DIAPH2: variants seen among roughly 807,000 people sequenced by gnomAD.
DIAPH2 encodes the protein protein diaphanous homolog 2.
A neutral mutation model predicts 92.7 loss-of-function variants in DIAPH2; 35 were observed. The observed-to-expected ratio is 0.38, with a 90% CI of 0.29 to 0.50. The LOEUF is 0.50. Among genes scored for constraint, DIAPH2 ranks in the 20% least tolerant of loss-of-function variants. The pLI, the probability that DIAPH2 is intolerant of heterozygous loss-of-function variation, is 0.94. For synonymous variants in DIAPH2, 301 were observed against 280.4 expected (o/e 1.07, Z -0.73); for missense variants, 701 against 819.5 (o/e 0.86, Z 1.77).
intron 23 of DIAPH2, among the ~76,000 whole-genome samples, chrX:97,299,621 A>G (rs1187328121): frequency 8.9e-6 from 1 of 112,347 alleles, no homozygotes; most frequent in East Asian, 2.8e-4. Flanking sequence ...GACATCTGAT[A>G]TAAAGTTATT....
At chrX:97,090,299 T>C (rs912805925) in intron 19 of DIAPH2, among the ~76,000 whole-genome samples, 2 of 12,269 alleles carry the variant, frequency 1.6e-4, no homozygotes, top group Non-Finnish European at 1.5e-4. Context: ...CTCTGATCCC[T>C]TTTTTTTTTT....
At chrX:96,763,161 G>A in intron 4 of DIAPH2, 1 of 908,843 alleles carries the variant, frequency 1.1e-6, no homozygotes, top group Non-Finnish European at 1.4e-6. Flanking sequence ...ATATGAATTT[G>A]TGGTTTTGTA....
intron 4 of DIAPH2, among the ~76,000 whole-genome samples, chrX:96,880,765 A>C (rs1469893406): frequency 9.0e-6 from 1 of 111,428 alleles, no homozygotes; most frequent in Admixed American, 9.6e-5. Flanking sequence ...GTACGTCTAG[A>C]ATGTGAAACT....
intron 16 of DIAPH2, among the ~76,000 whole-genome samples, chrX:96,960,166 G>C (rs985377408): frequency 9.0e-6 from 1 of 111,215 alleles, no homozygotes; most frequent in Non-Finnish European, 1.9e-5. Context: ...TATTTTGATA[G>C]GGATTGCATT....
intron 22 of DIAPH2, among the ~76,000 whole-genome samples, chrX:97,225,865 G>T (rs1229682139): frequency 1.8e-5 from 2 of 111,868 alleles, no homozygotes; most frequent in Non-Finnish European, 3.8e-5. Context: ...ATCTGATGAT[G>T]ACCTGCACAT....
At chrX:97,293,465 A>C (rs5921770) in intron 23 of DIAPH2, among the ~76,000 whole-genome samples, 2,849 of 109,442 alleles carry the variant, frequency 0.026, 34 homozygotes, top group Middle Eastern at 0.071. Context: ...GTTGGCCAGG[A>C]TGGTCTCTGT....
intron 26 of DIAPH2, chrX:97,469,786 A>G: frequency 8.4e-7 from 1 of 1,186,685 alleles, no homozygotes; most frequent in Non-Finnish European, 1.1e-6. Flanking sequence ...TGATGGTACA[A>G]CATGACTTTT....
intron 17 of DIAPH2, among the ~76,000 whole-genome samples, chrX:97,029,201 G>T (rs2066356187): frequency 9.6e-6 from 1 of 104,002 alleles, no homozygotes; most frequent in African/African-American, 3.6e-5. Flanking sequence ...AGGCTGGAGT[G>T]CAGTGGCACA....
At chrX:97,438,623 C>T (rs1477293281) in intron 26 of DIAPH2, among the ~76,000 whole-genome samples, 6 of 109,291 alleles carry the variant, frequency 5.5e-5, no homozygotes, top group Non-Finnish European at 7.6e-5. Context: ...GCCATCTGCC[C>T]GCCTCAGCCT....
intron 23 of DIAPH2, among the ~76,000 whole-genome samples, chrX:97,320,625 G>C (rs1407435347): frequency 9.6e-6 from 1 of 104,184 alleles, no homozygotes; most frequent in Non-Finnish European, 1.9e-5. Flanking sequence ...TGAGGCAGTA[G>C]AATTGCTTGA....
chrX:97,291,851 A>G (rs1008720131), intron 23 of DIAPH2, among the ~76,000 whole-genome samples: 5 of 111,115 alleles, frequency 4.5e-5, no homozygotes, highest in African/African-American at 9.8e-5. Flanking sequence ...AAACACTTTC[A>G]TATACAATAC....
intron 15 of DIAPH2, among the ~76,000 whole-genome samples, chrX:96,949,933 G>A (rs1233178529): frequency 3.6e-5 from 4 of 109,762 alleles, no homozygotes; most frequent in African/African-American, 1.3e-4. Context: ...GATATTTGTT[G>A]ATTGACTAGG....
intron 22 of DIAPH2, among the ~76,000 whole-genome samples, chrX:97,226,319 G>A (rs1047528362): frequency 9.0e-6 from 1 of 111,156 alleles, no homozygotes; most frequent in African/African-American, 3.3e-5. Flanking sequence ...TGTTTCTGAA[G>A]ATTGAGGAAT....
At chrX:97,476,445 T>C (rs2147812840) in intron 26 of DIAPH2, among the ~76,000 whole-genome samples, 1 of 112,012 alleles carries the variant, frequency 8.9e-6, no homozygotes, top group South Asian at 3.7e-4. Context: ...TTGTATACAA[T>C]ACATGTCTGC....
chrX:97,416,616 C>T (rs2069949651), intron 25 of DIAPH2, among the ~76,000 whole-genome samples: 1 of 111,817 alleles, frequency 8.9e-6, no homozygotes, highest in Admixed American at 9.5e-5. Flanking sequence ...CACCAAGATA[C>T]TAAAGTCGTA....
At chrX:97,480,911 A>C (rs911998157) in intron 26 of DIAPH2, among the ~76,000 whole-genome samples, 1 of 112,080 alleles carries the variant, frequency 8.9e-6, no homozygotes, top group African/African-American at 3.2e-5. Context: ...GATGCTAAAG[A>C]ATATTGAGCT....
intron 26 of DIAPH2, among the ~76,000 whole-genome samples, chrX:97,534,463 T>G (rs1043391196): frequency 1.1e-4 from 12 of 110,747 alleles, no homozygotes; most frequent in Non-Finnish European, 1.9e-5. Flanking sequence ...ATTTATTATA[T>G]ACATATAAAT....
At chrX:97,241,279 G>A (rs2068090823) in intron 22 of DIAPH2, among the ~76,000 whole-genome samples, 1 of 110,668 alleles carries the variant, frequency 9.0e-6, no homozygotes, top group Non-Finnish European at 1.9e-5. Flanking sequence ...TATTACTTAA[G>A]AACTTAAGTA....
At chrX:97,364,388 G>T (rs939912154) in intron 24 of DIAPH2, among the ~76,000 whole-genome samples, 1 of 111,841 alleles carries the variant, frequency 8.9e-6, no homozygotes, top group Non-Finnish European at 1.9e-5. Flanking sequence ...GAGTTTCATT[G>T]GCAGAGATGT....
Sources: allele counts gnomAD v4.1 joint callset (sites outside exome capture counted in the v4.1 genomes callset), GRCh38; gene constraint gnomAD v4.1.1; transcripts MANE v1.5; gene names NCBI Gene and HGNC (gene_info 2026-07-23, HGNC 2026-07-21).